CEP128: variants seen among roughly 807,000 people sequenced by gnomAD.
CEP128 encodes centrosomal protein 128.
In CEP128, 132 loss-of-function variants were observed where a neutral mutation model predicts 156.7. The ratio of observed to expected loss-of-function variants is 0.84; its 90% CI spans 0.73 to 0.97. The LOEUF is 0.97. Among genes scored for constraint, CEP128 ranks in the 50% least tolerant of loss-of-function variants. The pLI, the probability that CEP128 is intolerant of heterozygous loss-of-function variation, is 0.00. For synonymous variants in CEP128, 469 were observed against 448.9 expected, an observed-to-expected ratio of 1.04 and a Z score of -0.57; for missense variants, 1,252 against 1,281.9, an observed-to-expected ratio of 0.98 and a Z score of 0.36.
At chr14:80,855,880 A>C (rs1887128085) in intron 9 of CEP128, among the ~76,000 whole-genome samples, 1 of 152,210 alleles carries the variant, frequency 6.6e-6, no homozygotes, top group Non-Finnish European at 1.5e-5. Context: ...CCTAGGTTTC[A>C]TGGAAGCTTC....
intron 19 of CEP128, among the ~76,000 whole-genome samples, chr14:80,612,577 A>G (rs1261340520): frequency 6.6e-6 from 1 of 152,242 alleles, no homozygotes; most frequent in East Asian, 1.9e-4. Flanking sequence ...TTGAGAGTAC[A>G]TGAATTACTT....
intron 20 of CEP128, among the ~76,000 whole-genome samples, chr14:80,564,137 T>C (rs1347825996): frequency 6.6e-6 from 1 of 152,208 alleles, no homozygotes; most frequent in Non-Finnish European, 1.5e-5. Flanking sequence ...CTACTGTTTA[T>C]ATGTGATTGG....
chr14:80,860,250 A>T (rs1490480498), intron 9 of CEP128, among the ~76,000 whole-genome samples: 1 of 152,172 alleles, frequency 6.6e-6, no homozygotes, highest in African/African-American at 2.4e-5. Flanking sequence ...TATAATCTAA[A>T]ACCACTTTTT....
upstream of CEP128, among the ~76,000 whole-genome samples, chr14:80,944,822 C>CAA (rs55662141): frequency 5.4e-3 from 186 of 34,658 alleles, 33 homozygotes; most frequent in Non-Finnish European, 8.6e-3. Flanking sequence ...GAGTCTGTCT[C>CAA]AAAAAAAAAA....
chr14:80,952,130 A>G (rs1411758595), intron 2 of CEP128, among the ~76,000 whole-genome samples: 2 of 152,146 alleles, frequency 1.3e-5, no homozygotes, highest in African/African-American at 4.8e-5. Context: ...CAAAAATACA[A>G]AAGACTTAAA....
intron 19 of CEP128, among the ~76,000 whole-genome samples, chr14:80,624,229 T>C (rs968775652): frequency 6.6e-6 from 1 of 152,180 alleles, no homozygotes; most frequent in Non-Finnish European, 1.5e-5. Context: ...TCTAGGCTCA[T>C]CCATGTTGCC....
chr14:80,547,537 G>A (rs1381512899), intron 21 of CEP128, among the ~76,000 whole-genome samples: 2 of 152,074 alleles, frequency 1.3e-5, no homozygotes, highest in African/African-American at 2.4e-5. Context: ...AATAGGGTGA[G>A]GGGTATTGAC....
chr14:80,670,116 C>T (rs1391460535), intron 19 of CEP128, among the ~76,000 whole-genome samples: 3 of 152,162 alleles, frequency 2.0e-5, no homozygotes, highest in Non-Finnish European at 4.4e-5. Context: ...CAGGATGGCA[C>T]TAAACCATTC....
chr14:80,556,079 G>A (rs1344093253), intron 21 of CEP128, among the ~76,000 whole-genome samples: 1 of 151,876 alleles, frequency 6.6e-6, no homozygotes, highest in Non-Finnish European at 1.5e-5. Flanking sequence ...CCCATCCTTG[G>A]CCCATGAGCA....
chr14:80,777,277 T>C (rs1008986156), intron 16 of CEP128, among the ~76,000 whole-genome samples: 16 of 152,092 alleles, frequency 1.1e-4, no homozygotes, highest in Admixed American at 3.3e-4. Flanking sequence ...CCCTTATGAA[T>C]AGGATTAATG....
intron 19 of CEP128, among the ~76,000 whole-genome samples, chr14:80,741,388 C>G (rs956112928): frequency 6.6e-6 from 1 of 152,134 alleles, no homozygotes; most frequent in Non-Finnish European, 1.5e-5. Flanking sequence ...CCCCTTATAA[C>G]TGAAGAATTT....
downstream of CEP128, among the ~76,000 whole-genome samples, chr14:80,487,136 A>T (rs1267932559): frequency 6.6e-6 from 1 of 152,092 alleles, no homozygotes; most frequent in East Asian, 1.9e-4. Context: ...AACCCATCTC[A>T]CGTGCAGAGA....
intron 20 of CEP128, among the ~76,000 whole-genome samples, chr14:80,564,659 C>A (rs559647735): frequency 1.3e-5 from 2 of 152,312 alleles, no homozygotes; most frequent in East Asian, 3.9e-4. Context: ...GAATTCAGTT[C>A]ATGGTTTGAC....
intron 9 of CEP128, among the ~76,000 whole-genome samples, chr14:80,847,005 G>A (rs372911783): frequency 4.6e-5 from 7 of 152,122 alleles, no homozygotes; most frequent in East Asian, 3.9e-4. Flanking sequence ...TGTAGAGACT[G>A]TCTACAATAT....
intron 8 of CEP128, among the ~76,000 whole-genome samples, chr14:80,878,100 GCC>G (rs1888368604): frequency 6.6e-6 from 1 of 152,124 alleles, no homozygotes; most frequent in Non-Finnish European, 1.5e-5. Flanking sequence ...TGAGGCAGCA[GCC>G]CCTCCCCCAG....
chr14:80,855,113 GTT>G (rs1465067322), intron 9 of CEP128, among the ~76,000 whole-genome samples: 2 of 152,262 alleles, frequency 1.3e-5, no homozygotes, highest in African/African-American at 4.8e-5. Flanking sequence ...TGGAGTAGGA[GTT>G]TTAGGATTTT....
chr14:80,682,426 C>A (rs770261515), intron 19 of CEP128, among the ~76,000 whole-genome samples: 9 of 152,124 alleles, frequency 5.9e-5, no homozygotes, highest in African/African-American at 1.2e-4. Context: ...TGAATTAATT[C>A]TTTGAGAAAT....
intron 18 of CEP128, among the ~76,000 whole-genome samples, chr14:80,753,453 G>A (rs1661957978): frequency 6.6e-6 from 1 of 152,246 alleles, no homozygotes; most frequent in Admixed American, 6.5e-5. Context: ...GATCCTGCCT[G>A]ATGTGGAAGC....
At chr14:80,617,219 CTTTTT>C (rs3069115) in intron 19 of CEP128, among the ~76,000 whole-genome samples, 56 of 60,214 alleles carry the variant, frequency 9.3e-4, no homozygotes, top group Non-Finnish European at 1.2e-3. Context: ...TGAATATCAT[CTTTTT>C]TTTTTTTTTT....
Sources: gnomAD v4.1 joint callset for allele counts (sites outside exome capture counted in the v4.1 genomes callset) on GRCh38, gnomAD v4.1.1 for gene constraint, MANE v1.5 for transcripts, NCBI Gene and HGNC (gene_info 2026-07-23, HGNC 2026-07-21) for gene names.